The following FAM193A variants were observed in gnomAD, a reference collection of about 807,000 sequenced individuals.
FAM193A encodes family with sequence similarity 193 member A.
In FAM193A, 22 loss-of-function variants were observed where a neutral mutation model predicts 126.5. That is an observed-to-expected ratio of 0.17 (90% CI 0.12 to 0.25). The LOEUF is 0.25. Ranked by LOEUF, FAM193A falls within the 10% of genes least tolerant of loss-of-function variation. FAM193A has a pLI of 1.00. For synonymous variants in FAM193A, 761 were observed against 646.8 expected (o/e 1.18, Z -2.68); for missense variants, 1,675 against 1,672.8 (o/e 1.00, Z -0.02).
intron 1 of FAM193A, among the ~76,000 whole-genome samples, chr4:2,568,081 G>A (rs1260407413): frequency 2.0e-5 from 3 of 152,098 alleles, no homozygotes; most frequent in Non-Finnish European, 2.9e-5. Flanking sequence ...GCTTGATGCC[G>A]CCTTTTCTAT....
At chr4:2,557,927 G>A (rs907825394) in intron 1 of FAM193A, among the ~76,000 whole-genome samples, 1 of 151,840 alleles carries the variant, frequency 6.6e-6, no homozygotes, top group Non-Finnish European at 1.5e-5. Context: ...ACTCCAGCCT[G>A]GGTGACAGAG....
chr4:2,668,623 A>C (rs1203904721), intron 12 of FAM193A, among the ~76,000 whole-genome samples: 1 of 152,188 alleles, frequency 6.6e-6, no homozygotes, highest in Non-Finnish European at 1.5e-5. Context: ...TCTCCTTTGT[A>C]CTATTATTGT....
chr4:2,680,042 G>A (rs1179589926), intron 13 of FAM193A, among the ~76,000 whole-genome samples: 1 of 151,070 alleles, frequency 6.6e-6, no homozygotes, highest in Non-Finnish European at 1.5e-5. Flanking sequence ...TGTATTTTTA[G>A]TAGAGACGGG....
At chr4:2,542,521 CTCTT>C (rs1341961759) in intron 1 of FAM193A, among the ~76,000 whole-genome samples, 1 of 152,288 alleles carries the variant, frequency 6.6e-6, no homozygotes, top group East Asian at 1.9e-4. Context: ...ATTAAAGAAA[CTCTT>C]TATGGTAACT....
At chr4:2,668,354 C>T (rs1365660091) in intron 12 of FAM193A, among the ~76,000 whole-genome samples, 1 of 151,958 alleles carries the variant, frequency 6.6e-6, no homozygotes, top group Non-Finnish European at 1.5e-5. Context: ...GCTGGGATTA[C>T]AGATGCGCAC....
chr4:2,666,696 G>C (rs1018605483), intron 12 of FAM193A, among the ~76,000 whole-genome samples: 1 of 152,054 alleles, frequency 6.6e-6, no homozygotes, highest in Non-Finnish European at 1.5e-5. Flanking sequence ...GCTTGTAATA[G>C]GTCTTTTCAA....
chr4:2,583,270 G>A (rs1002654989), intron 1 of FAM193A, among the ~76,000 whole-genome samples: 6 of 152,158 alleles, frequency 3.9e-5, no homozygotes, highest in African/African-American at 4.8e-5. Flanking sequence ...CACTGCGCCC[G>A]GCCAAGTCTC....
intron 13 of FAM193A, among the ~76,000 whole-genome samples, chr4:2,685,021 G>A (rs1255326108): frequency 6.6e-6 from 1 of 152,232 alleles, no homozygotes; most frequent in African/African-American, 2.4e-5. Flanking sequence ...CAAGGCATGT[G>A]ACTTTGAATC....
chr4:2,708,118 TTTTG>T lies in FAM193A; in HGVS notation c.4372+7590_4372+7593del, dbSNP rs755979197. 1.6e-4 allele frequency: 73 copies of T among 446,624 alleles called. 1 individual carries two copies. Among genetic ancestry groups the T allele is most frequent in the African/African-American group, 7.1e-4 (35 of 49,182 alleles). 27.7% of individuals were successfully genotyped at this position (446,624 alleles called of 1,614,324 possible). A position where few individuals can be genotyped will look rare whatever the true frequency, so the allele number is the denominator to read the frequency against. ...TTATTTGTGTATGAAAGCTATTGAT[TTTTG>T]TTTGTTTGTTTGTTTATTTCGAGAT... On this transcript the variant is annotated intron_variant, in intron 19 of 20. Coordinates refer to ENST00000637812, the MANE Select transcript of FAM193A (RefSeq NM_001366318.2).
chr4:2,684,001 A>G (rs1214969200), intron 13 of FAM193A, among the ~76,000 whole-genome samples: 1 of 152,078 alleles, frequency 6.6e-6, no homozygotes, highest in East Asian at 1.9e-4. Flanking sequence ...GATTGTTTTT[A>G]TTGCCAGCAT....
chr4:2,601,062 G>T (rs1741166564), intron 2 of FAM193A, among the ~76,000 whole-genome samples: 1 of 152,094 alleles, frequency 6.6e-6, no homozygotes, highest in East Asian at 1.9e-4. Flanking sequence ...CTGGGCTGTT[G>T]TGCGGTATGA....
chr4:2,682,583 C>A (rs933213911), intron 13 of FAM193A, among the ~76,000 whole-genome samples: 15 of 152,116 alleles, frequency 9.9e-5, no homozygotes, highest in Non-Finnish European at 1.9e-4. Context: ...GTTTCCTATT[C>A]ATTATGAGTC....
intron 2 of FAM193A, among the ~76,000 whole-genome samples, chr4:2,611,697 T>C (rs1253450518): frequency 6.6e-6 from 1 of 152,220 alleles, no homozygotes; most frequent in Non-Finnish European, 1.5e-5. Context: ...CTTAATGAGT[T>C]GTGAGATATT....
chr4:2,683,958 T>G (rs1577200397), intron 13 of FAM193A, among the ~76,000 whole-genome samples: 2 of 152,268 alleles, frequency 1.3e-5, no homozygotes, highest in African/African-American at 4.8e-5. Flanking sequence ...CGTCTCCTGA[T>G]GAGTCCATCA....
chr4:2,562,784 C>T (rs1315786827), intron 1 of FAM193A, among the ~76,000 whole-genome samples: 1 of 151,888 alleles, frequency 6.6e-6, no homozygotes, highest in Non-Finnish European at 1.5e-5. Context: ...CGTCCACCAC[C>T]ATGCCCAGCT....
chr4:2,553,778 G>A (rs1431357006), intron 1 of FAM193A, among the ~76,000 whole-genome samples: 1 of 152,112 alleles, frequency 6.6e-6, no homozygotes, highest in Non-Finnish European at 1.5e-5. Context: ...GAGGGACCTG[G>A]TGGCAGGTAA....
At chr4:2,614,619 A>T (rs571575250) in intron 2 of FAM193A, among the ~76,000 whole-genome samples, 1 of 152,344 alleles carries the variant, frequency 6.6e-6, no homozygotes, top group South Asian at 2.1e-4. Context: ...ATACTTCATT[A>T]TAAAATGAGC....
intron 2 of FAM193A, among the ~76,000 whole-genome samples, chr4:2,611,153 T>C (rs1350033172): frequency 6.6e-6 from 1 of 152,160 alleles, no homozygotes; most frequent in Non-Finnish European, 1.5e-5. Context: ...GTATGAGAGG[T>C]CCAGTTGATC....
At chr4:2,694,129 AGCATC>A (rs1170928191) in intron 16 of FAM193A, among the ~76,000 whole-genome samples, 1 of 152,200 alleles carries the variant, frequency 6.6e-6, no homozygotes, top group Non-Finnish European at 1.5e-5. Flanking sequence ...AAACACTGAC[AGCATC>A]GGGGGTGTGC....
Sources: allele counts gnomAD v4.1 joint callset (sites outside exome capture counted in the v4.1 genomes callset), GRCh38; gene constraint gnomAD v4.1.1; transcripts MANE v1.5; gene names NCBI Gene and HGNC (gene_info 2026-07-23, HGNC 2026-07-21).